Variants in MCC observed in about 807,000 individuals in gnomAD.
MCC encodes the protein MCC regulator of Wnt signaling pathway, also known as colorectal mutant cancer protein.
MCC carries 90 observed loss-of-function variants against 116.2 expected under a neutral mutation model. The ratio of observed to expected loss-of-function variants is 0.77; its 90% CI spans 0.65 to 0.92. MCC has a LOEUF of 0.92. MCC is among the 40% of genes least tolerant of loss of function. The pLI is 0.00. For synonymous variants in MCC, 578 were observed against 510.5 expected (o/e 1.13, Z -1.78); for missense variants, 1,516 against 1,312.2 (o/e 1.16, Z -2.40).
At position 113,030,476 on chromosome 5, in the gene MCC, G is replaced by C. The variant is rs1197526876; in HGVS notation, c.2757-1420C>G. Among the ~76,000 whole-genome samples, 5 of 152,202 alleles carry C rather than the reference G, an allele frequency of 3.3e-5. No homozygotes were observed. In the East Asian group the frequency reaches 9.7e-4, roughly 29 times the overall value. On this transcript the variant is annotated intron_variant, in intron 17 of 18. Coordinates refer to ENST00000408903, the MANE Select transcript of MCC (RefSeq NM_001085377.2). ...TGTGGATTACTTGAGCTCAGAAATT[G>C]AAGACCAGCCTGGGCAACATGGTGA...
intron 1 of MCC, among the ~76,000 whole-genome samples, chr5:113,387,281 G>C (rs535895425): frequency 4.6e-5 from 7 of 152,280 alleles, no homozygotes; most frequent in African/African-American, 1.4e-4. Context: ...CTTAAGCTCA[G>C]ATTTTGTGAT....
intron 1 of MCC, among the ~76,000 whole-genome samples, chr5:113,486,659 A>T (rs1244941154): frequency 1.3e-5 from 2 of 152,048 alleles, no homozygotes; most frequent in Non-Finnish European, 2.9e-5. Flanking sequence ...GCCTGGCCAA[A>T]TTGTGAAGCC....
chr5:113,299,525 A>C (rs1438701475), intron 3 of MCC, among the ~76,000 whole-genome samples: 1 of 152,184 alleles, frequency 6.6e-6, no homozygotes, highest in East Asian at 1.9e-4. Context: ...CAACTGGGTC[A>C]ATATTATAAG....
intron 3 of MCC, among the ~76,000 whole-genome samples, chr5:113,154,392 G>A (rs946382816): frequency 6.6e-6 from 1 of 152,224 alleles, no homozygotes; most frequent in African/African-American, 2.4e-5. Context: ...AGTGGGGGAA[G>A]CCACCAACCA....
chr5:113,039,717 CCCCCCA>C (rs1751565486), intron 17 of MCC, among the ~76,000 whole-genome samples: 1 of 141,116 alleles, frequency 7.1e-6, no homozygotes, highest in Non-Finnish European at 1.5e-5. Context: ...CCGCGCCCCC[CCCCCCA>C]ACCCACCCCA....
chr5:113,467,615 C>T (rs1283589185), intron 1 of MCC, among the ~76,000 whole-genome samples: 4 of 152,056 alleles, frequency 2.6e-5, no homozygotes, highest in African/African-American at 9.7e-5. Flanking sequence ...AGTCAGGTAG[C>T]GTGATGCTTC....
intron 3 of MCC, among the ~76,000 whole-genome samples, chr5:113,328,259 T>C (rs1204257443): frequency 6.6e-6 from 1 of 152,228 alleles, no homozygotes; most frequent in Non-Finnish European, 1.5e-5. Flanking sequence ...ATATCCTACA[T>C]GTACTAAACA....
rs539649402 is a variant in MCC, at chr5:113,331,432, AGCGGAT to A, written c.627+9081_627+9086del. Reference sequence around the variant, plus strand: ...AGGACAGGGGTATAGTAGTGTTAGTAGCGGATGTCAGGAAATCTACCCTACAGTCTT... The same window carrying A: ...AGGACAGGGGTATAGTAGTGTTAGTAGTCAGGAAATCTACCCTACAGTCTT... On this transcript the variant is annotated intron_variant, in intron 3 of 18. Transcript: ENST00000408903. Among the ~76,000 whole-genome samples, 286 of 151,740 alleles carry A rather than the reference AGCGGAT, an allele frequency of 1.9e-3. 6 individuals carry two copies. The highest frequency in any genetic ancestry group is 6.8e-3 in the African/African-American group (279 of 41,062).
chr5:113,026,087 C>T lies in MCC; in HGVS notation c.*1215G>A, dbSNP rs1580863559. On this transcript the variant is annotated 3_prime_UTR_variant, in exon 19 of 19. Coordinates refer to ENST00000408903, the MANE Select transcript of MCC (RefSeq NM_001085377.2). Reference sequence around the variant, plus strand: ...AATGAATTTGTTTTAAGATTGAAGACCTTCCTGAAATAATTCAGTTACTTT... The same window carrying T: ...AATGAATTTGTTTTAAGATTGAAGATCTTCCTGAAATAATTCAGTTACTTT... 6.6e-6 allele frequency: 1 copy of T among 152,192 alleles called. No homozygotes were observed. Among genetic ancestry groups the T allele is most frequent in the Non-Finnish European group, 1.5e-5 (1 of 68,044 alleles). The allele number at this position is 152,192 out of a possible 1,614,324, so 9.4% of individuals were successfully genotyped here. A position where few individuals can be genotyped will look rare whatever the true frequency, so the allele number is the denominator to read the frequency against.
intron 3 of MCC, among the ~76,000 whole-genome samples, chr5:113,268,718 T>A (rs1003860748): frequency 3.3e-5 from 5 of 152,204 alleles, no homozygotes; most frequent in African/African-American, 1.2e-4. Flanking sequence ...AACAAAAATT[T>A]TTTTAGTTTG....
intron 3 of MCC, among the ~76,000 whole-genome samples, chr5:113,294,059 G>A (rs888844179): frequency 6.6e-6 from 1 of 152,192 alleles, no homozygotes; most frequent in East Asian, 1.9e-4. Context: ...AGACTGTCGT[G>A]AGTAAAACGC....
At chr5:113,089,080 T>C (rs893517762) in intron 8 of MCC, among the ~76,000 whole-genome samples, 21 of 152,216 alleles carry the variant, frequency 1.4e-4, no homozygotes, top group Non-Finnish European at 4.4e-5. Flanking sequence ...CTTCACAGCC[T>C]TTCTCAACTG....
chr5:113,390,923 C>T (rs66728961), intron 1 of MCC, among the ~76,000 whole-genome samples: 28,279 of 152,026 alleles, frequency 0.19, 3,151 homozygotes, highest in Admixed American at 0.31. Flanking sequence ...TTGAGTCACA[C>T]AAAAAATGTA....
intron 3 of MCC, among the ~76,000 whole-genome samples, chr5:113,190,672 C>T (rs962897069): frequency 2.0e-5 from 3 of 152,110 alleles, no homozygotes; most frequent in African/African-American, 4.8e-5. Context: ...GCTAGCACAA[C>T]AATACAGAGA....
At chr5:113,142,469 C>T (rs1759235353) in intron 5 of MCC, among the ~76,000 whole-genome samples, 1 of 151,772 alleles carries the variant, frequency 6.6e-6, no homozygotes, top group South Asian at 2.1e-4. Context: ...GACTTAGAGG[C>T]CAAGTGATTA....
chr5:113,143,308 G>T lies in MCC; in HGVS notation c.794C>A (p.Thr265Lys). ...TGTGATGCGTTCCTCATAGCGAAGT[G>T]TCGTTCGCTCCTGGACATCCTCATG... ...REHEDVQERT[T>K]LRYEERITEL... The change falls in exon 5 of 19, where the codon ACA becomes AAA. Residue 265 changes from threonine to lysine, a missense_variant. Physicochemically the swap from Thr to Lys is moderately conservative, Grantham distance 78 (BLOSUM62 -1). Transcript: ENST00000408903. 3 of 1,613,658 alleles carry T rather than the reference G, an allele frequency of 1.9e-6. No homozygotes were observed. Among genetic ancestry groups the T allele is most frequent in the Non-Finnish European group, 1.7e-6 (2 of 1,179,856 alleles).
intron 1 of MCC, among the ~76,000 whole-genome samples, chr5:113,438,515 T>C (rs1407871218): frequency 6.6e-6 from 1 of 152,192 alleles, no homozygotes. Context: ...AAAATAGGTA[T>C]GCACTTTAAA....
Position 113,197,297 on chromosome 5 carries a change from A to G in MCC, c.628-45875T>C, listed in dbSNP as rs187660394. Among the ~76,000 whole-genome samples, 36 of 152,184 alleles carry G rather than the reference A, an allele frequency of 2.4e-4. No individual in the cohort carries two copies. The East Asian group carries it at 6.8e-3, about 29-fold the overall frequency. The stretch of plus-strand genomic sequence containing the variant: ...TTTTTAAGCCCAAATAGGCAAACAA[A>G]GAGAGAGGAGATAGGTGACTGCTTG... On this transcript the variant is annotated intron_variant, in intron 3 of 18. Transcript: ENST00000408903.
At chr5:113,081,930 A>AG (rs1754885188) in intron 11 of MCC, among the ~76,000 whole-genome samples, 1 of 152,222 alleles carries the variant, frequency 6.6e-6, no homozygotes, top group South Asian at 2.1e-4. Flanking sequence ...CTTCCTGGTT[A>AG]GCTCATAAGT....
Sources: gnomAD v4.1 joint callset for allele counts (sites outside exome capture counted in the v4.1 genomes callset) on GRCh38, gnomAD v4.1.1 for gene constraint, MANE v1.5 for transcripts, NCBI Gene and HGNC (gene_info 2026-07-23, HGNC 2026-07-21) for gene names.